COG7: variants seen among roughly 807,000 people sequenced by gnomAD.
COG7 encodes component of oligomeric golgi complex 7.
Under a neutral mutation model 91.5 loss-of-function variants are expected in COG7, and 49 were observed. The ratio of observed to expected loss-of-function variants is 0.54; its 90% CI spans 0.43 to 0.68. COG7 has a LOEUF of 0.68. COG7 is among the 30% of genes least tolerant of loss of function. COG7 has a pLI of 0.00. For missense variants in COG7, 895 were observed against 961.3 expected (o/e 0.93, Z 0.91); for synonymous variants, 365 against 388.7 (o/e 0.94, Z 0.72).
chr16:23,402,433 ATTC>A (rs1266159474), intron 13 of COG7, among the ~76,000 whole-genome samples: 4 of 152,122 alleles, frequency 2.6e-5, no homozygotes, highest in South Asian at 4.1e-4. Context: ...CAAGTAAGTC[ATTC>A]TTCTTAAAAA....
intron 6 of COG7, among the ~76,000 whole-genome samples, chr16:23,431,549 C>T (rs1963934135): frequency 6.6e-6 from 1 of 152,018 alleles, no homozygotes; most frequent in Non-Finnish European, 1.5e-5. Flanking sequence ...GTGGCTCATG[C>T]CTGTAATCCC....
chr16:23,416,622 C>T (rs903785028), intron 9 of COG7: 6 of 340,694 alleles, frequency 1.8e-5, no homozygotes, highest in Non-Finnish European at 2.8e-5. Context: ...CGTGATTCAC[C>T]GCACCAGGCC....
intron 5 of COG7, among the ~76,000 whole-genome samples, chr16:23,434,386 C>T (rs1211418564): frequency 1.3e-5 from 2 of 152,136 alleles, no homozygotes; most frequent in Admixed American, 6.5e-5. Flanking sequence ...ATTAAAACAA[C>T]GTTTCAAGTC....
At chr16:23,400,727 TGA>T (rs950496286) in intron 13 of COG7, among the ~76,000 whole-genome samples, 1 of 152,118 alleles carries the variant, frequency 6.6e-6, no homozygotes, top group Non-Finnish European at 1.5e-5. Flanking sequence ...CCCAGCACTT[TGA>T]GAGGCTGAGG....
Position 23,424,860 on chromosome 16 carries a change from T to A in COG7, c.898A>T (p.Asn300Tyr). 1 of 1,614,186 alleles carries A rather than the reference T, an allele frequency of 6.2e-7. No homozygotes were observed. Among genetic ancestry groups the A allele is most frequent in the East Asian group, 2.2e-5 (1 of 44,878 alleles). The change falls in exon 7 of 17, where the codon AAC becomes TAC. Residue 300 changes from asparagine (N) to tyrosine (Y), a missense_variant. Coordinates refer to ENST00000307149, the MANE Select transcript of COG7 (RefSeq NM_153603.4). ...LMPSLPSCLSNGVERAGPEQE... is the reference protein window; with the variant it reads ...LMPSLPSCLSYGVERAGPEQE... ...TCGGGCCCTGCCCTCTCCACGCCGT[T>A]GCTGAGGCAGGAGGGCAGCGAGGGC...
chr16:23,424,937 T>G lies in COG7; in HGVS notation c.821A>C (p.Lys274Thr). Reference sequence around the variant, plus strand: ...CAGCACCATTACCACCTCGTGGGGCTTCTGGAAAACCTGCAGTGAGAGAGA... The same window carrying G: ...CAGCACCATTACCACCTCGTGGGGCGTCTGGAAAACCTGCAGTGAGAGAGA... Reference protein sequence around the residue: ...QIQWATQVFQKPHEVVMVLLI... With the variant: ...QIQWATQVFQTPHEVVMVLLI... Residue 274 changes from lysine to threonine, a missense_variant, in exon 7 of 17, where the codon AAG becomes ACG. Physicochemically the swap from Lys to Thr is moderately conservative, Grantham distance 78. Transcript: ENST00000307149. The G allele has an allele frequency of 6.2e-7, 1 of 1,606,312 alleles. No individual in the cohort carries two copies.
chr16:23,416,287 C>T (rs1963652693), intron 9 of COG7: 1 of 152,684 alleles, frequency 6.5e-6, no homozygotes, highest in African/African-American at 2.4e-5. Flanking sequence ...CCTCAGCCAC[C>T]CAAAGTGCTG....
At chr16:23,420,275 C>T (rs1596933756) in intron 7 of COG7, among the ~76,000 whole-genome samples, 1 of 152,176 alleles carries the variant, frequency 6.6e-6, no homozygotes, top group Non-Finnish European at 1.5e-5. Flanking sequence ...AAAATCATCT[C>T]AAAGAAATCA....
At chr16:23,448,103 G>A (rs1295422948) in intron 1 of COG7, among the ~76,000 whole-genome samples, 1 of 151,840 alleles carries the variant, frequency 6.6e-6, no homozygotes, top group African/African-American at 2.4e-5. Context: ...GTGCTTGAAC[G>A]GCTACAATCA....
At chr16:23,398,260 G>A in intron 13 of COG7, 131 bp from the exon 14 acceptor site, 2 of 743,944 alleles carry the variant, frequency 2.7e-6, no homozygotes, top group Non-Finnish European at 4.8e-6. Context: ...GACCGTTGGA[G>A]CCTCCACCAC....
At chr16:23,432,355 G>C (rs1219921635) in intron 6 of COG7, among the ~76,000 whole-genome samples, 1 of 151,960 alleles carries the variant, frequency 6.6e-6, no homozygotes, top group Non-Finnish European at 1.5e-5. Flanking sequence ...ATAAAATATG[G>C]GGAACGTGAC....
At chr16:23,433,770 G>C in intron 5 of COG7, 103 bp from the exon 6 acceptor site, 1 of 1,345,838 alleles carries the variant, frequency 7.4e-7, no homozygotes, top group Non-Finnish European at 1.0e-6. Context: ...ATTGCTCAAT[G>C]GGCTCACTGG....
chr16:23,447,983 G>A (rs143589126), intron 1 of COG7, among the ~76,000 whole-genome samples: 91 of 152,222 alleles, frequency 6.0e-4, no homozygotes, highest in South Asian at 2.3e-3. Context: ...CCAACACTGG[G>A]TCTTGTTCAA....
chr16:23,442,661 A>G lies in COG7; in HGVS notation c.436-16T>C, dbSNP rs893343885. Reference sequence around the variant, plus strand: ...CAGCTATGTCCTAGAAAAGACCAGAATAGAGAATATTTATTTTAAATGATC... The same window carrying G: ...CAGCTATGTCCTAGAAAAGACCAGAGTAGAGAATATTTATTTTAAATGATC... On this transcript the variant is annotated splice_polypyrimidine_tract_variant and intron_variant, in intron 3 of 16. Coordinates refer to ENST00000307149, the MANE Select transcript of COG7 (RefSeq NM_153603.4). The G allele has an allele frequency of 6.2e-7, 1 of 1,605,580 alleles. No homozygotes were observed. Among genetic ancestry groups the G allele is most frequent in the African/African-American group, 1.3e-5 (1 of 74,894 alleles).
At chr16:23,442,299 A>G (rs139770556) in intron 4 of COG7, among the ~76,000 whole-genome samples, 178 bp downstream of exon 4, 1 of 147,830 alleles carries the variant, frequency 6.8e-6, no homozygotes, top group Admixed American at 7.0e-5. Flanking sequence ...GCGCCACTAC[A>G]CTCCAGCCTC....
At chr16:23,407,431 C>T (rs1963480039) in intron 11 of COG7, among the ~76,000 whole-genome samples, 2 of 152,286 alleles carry the variant, frequency 1.3e-5, no homozygotes, top group South Asian at 4.1e-4. Flanking sequence ...CTTAATCTGT[C>T]CTCCTAAGGG....
chr16:23,418,572 G>C, intron 8 of COG7, 128 bp downstream of exon 8: 1 of 757,724 alleles, frequency 1.3e-6, no homozygotes, highest in Non-Finnish European at 2.3e-6. Flanking sequence ...GGGATTACAA[G>C]AGCCCACAAG....
intron 11 of COG7, among the ~76,000 whole-genome samples, chr16:23,407,152 A>C (rs1438554825): frequency 6.6e-6 from 1 of 152,244 alleles, no homozygotes; most frequent in African/African-American, 2.4e-5. Flanking sequence ...GAGTTGTTCA[A>C]GAAATGCCTG....
At position 23,391,352 on chromosome 16, in the gene COG7, A is replaced by G. The variant is rs770159995; in HGVS notation, c.2146+1028T>C. ...GCTGCTTGTACTAACAGGGAACACC[A>G]ACACGCATTTGAATTCTCTCATCTC... On this transcript the variant is annotated intron_variant, in intron 16 of 16. Coordinates refer to ENST00000307149, the MANE Select transcript of COG7 (RefSeq NM_153603.4). Among the ~76,000 whole-genome samples the G allele has an allele frequency of 7.9e-4, 121 of 152,214 alleles. 8 individuals carry two copies. Among genetic ancestry groups the G allele is most frequent in the Non-Finnish European group, 4.4e-5 (3 of 68,048 alleles).
Sources: allele counts gnomAD v4.1 joint callset (sites outside exome capture counted in the v4.1 genomes callset), GRCh38; gene constraint gnomAD v4.1.1; transcripts MANE v1.5; gene names NCBI Gene and HGNC (gene_info 2026-07-23, HGNC 2026-07-21).